EXOC4: variants seen among roughly 807,000 people sequenced by gnomAD.
The protein encoded by EXOC4 is SEC8-like 1.
A neutral mutation model predicts 107.2 loss-of-function variants in EXOC4; 71 were observed. The observed-to-expected ratio is 0.66, with a 90% CI of 0.55 to 0.81. EXOC4 has a LOEUF of 0.81. EXOC4 is among the 30% of genes least tolerant of loss of function. The probability of loss-of-function intolerance (pLI) is 0.00; values close to 1 mark genes in which losing one functional copy is unlikely to be tolerated. For missense variants in EXOC4, 1,108 were observed against 1,189.6 expected, an observed-to-expected ratio of 0.93 and a Z score of 1.01; for synonymous variants, 456 against 441.2, an observed-to-expected ratio of 1.03 and a Z score of -0.42.
At chr7:133,849,954 T>C (rs1798208122) in intron 11 of EXOC4, among the ~76,000 whole-genome samples, 1 of 152,250 alleles carries the variant, frequency 6.6e-6, no homozygotes, top group African/African-American at 2.4e-5. Context: ...ATATGAAATA[T>C]TACTGTTTTC....
At chr7:133,348,296 A>G (rs1302775427) in intron 5 of EXOC4, among the ~76,000 whole-genome samples, 1 of 152,232 alleles carries the variant, frequency 6.6e-6, no homozygotes, top group Non-Finnish European at 1.5e-5. Context: ...AGGAGATTTC[A>G]GGAGACAAAC....
intron 14 of EXOC4, among the ~76,000 whole-genome samples, chr7:133,946,208 T>G (rs62470445): frequency 4.6e-5 from 7 of 152,004 alleles, no homozygotes; most frequent in Non-Finnish European, 7.4e-5. Flanking sequence ...TAAGCTGACT[T>G]TCATATTGTG....
intron 10 of EXOC4, 40 bp downstream of exon 10, chr7:133,630,181 T>G (rs1294478879): frequency 6.9e-7 from 1 of 1,447,402 alleles, no homozygotes; most frequent in Non-Finnish European, 9.7e-7. Flanking sequence ...AAGATCAATA[T>G]TTTCATTATT....
At chr7:133,488,723 G>A (rs915840420) in intron 9 of EXOC4, among the ~76,000 whole-genome samples, 6 of 151,970 alleles carry the variant, frequency 3.9e-5, no homozygotes, top group Admixed American at 2.0e-4. Context: ...AGCAAAAACC[G>A]AGAAACAGCT....
intron 11 of EXOC4, among the ~76,000 whole-genome samples, chr7:133,893,884 T>A (rs1324916158): frequency 1.4e-5 from 1 of 72,984 alleles, no homozygotes; most frequent in African/African-American, 1.7e-4. Flanking sequence ...TCAACTTTGG[T>A]GAATCTGATA....
chr7:133,440,716 A>G (rs1798084247), intron 7 of EXOC4, among the ~76,000 whole-genome samples: 1 of 152,220 alleles, frequency 6.6e-6, no homozygotes, highest in South Asian at 2.1e-4. Context: ...CCCACCAGCA[A>G]TGTGACAGTT....
At chr7:133,597,719 G>A (rs762729362) in intron 9 of EXOC4, among the ~76,000 whole-genome samples, 2 of 151,762 alleles carry the variant, frequency 1.3e-5, no homozygotes, top group African/African-American at 4.8e-5. Flanking sequence ...AACTAATTGC[G>A]GTTCTTGCCA....
chr7:133,440,744 T>C (rs1007657020), intron 7 of EXOC4, among the ~76,000 whole-genome samples: 2 of 152,172 alleles, frequency 1.3e-5, no homozygotes, highest in Non-Finnish European at 2.9e-5. Flanking sequence ...GCCATGGCAA[T>C]GCATTCTAAC....
At chr7:133,483,377 C>T (rs184673695) in intron 9 of EXOC4, among the ~76,000 whole-genome samples, 7 of 152,174 alleles carry the variant, frequency 4.6e-5, no homozygotes, top group African/African-American at 1.4e-4. Context: ...GAAATATTGC[C>T]CTTGAGCTCT....
At chr7:133,354,384 TCTC>T (rs1795979169) in intron 5 of EXOC4, among the ~76,000 whole-genome samples, 1 of 152,186 alleles carries the variant, frequency 6.6e-6, no homozygotes, top group Non-Finnish European at 1.5e-5. Context: ...TAATTTAAGA[TCTC>T]CTCAAATAAA....
At chr7:134,052,145 G>C (rs1168762340) in intron 17 of EXOC4, among the ~76,000 whole-genome samples, 2 of 152,180 alleles carry the variant, frequency 1.3e-5, no homozygotes, top group Non-Finnish European at 2.9e-5. Context: ...GAAAGGACAG[G>C]CAGTGAATAC....
intron 9 of EXOC4, among the ~76,000 whole-genome samples, chr7:133,623,948 G>C (rs1201866983): frequency 6.6e-6 from 1 of 152,162 alleles, no homozygotes; most frequent in African/African-American, 2.4e-5. Context: ...CAGGGTGACA[G>C]CTGTGAATTC....
At chr7:133,466,800 A>G (rs1416918311) in intron 7 of EXOC4, among the ~76,000 whole-genome samples, 2 of 152,170 alleles carry the variant, frequency 1.3e-5, no homozygotes, top group Admixed American at 1.3e-4. Flanking sequence ...CGACATATAA[A>G]CTGTATTATA....
chr7:133,765,641 C>T (rs558444663), intron 10 of EXOC4, among the ~76,000 whole-genome samples: 5 of 151,962 alleles, frequency 3.3e-5, no homozygotes, highest in Non-Finnish European at 7.4e-5. Flanking sequence ...TACTTGGGCT[C>T]ATTTTAGAAA....
intron 7 of EXOC4, among the ~76,000 whole-genome samples, chr7:133,465,702 C>T (rs956782829): frequency 6.6e-6 from 1 of 151,942 alleles, no homozygotes; most frequent in African/African-American, 2.4e-5. Flanking sequence ...CCTCTGACCG[C>T]AACAGAATTA....
intron 4 of EXOC4, among the ~76,000 whole-genome samples, chr7:133,308,118 A>G (rs1794794864): frequency 6.6e-6 from 1 of 152,172 alleles, no homozygotes; most frequent in South Asian, 2.1e-4. Flanking sequence ...ACTTTTCTTG[A>G]TGAAGAGGAA....
At chr7:133,461,905 A>T (rs1312688254) in intron 7 of EXOC4, among the ~76,000 whole-genome samples, 1 of 152,188 alleles carries the variant, frequency 6.6e-6, no homozygotes, top group Non-Finnish European at 1.5e-5. Context: ...CTGCTAAATG[A>T]AATCCTTGAG....
intron 9 of EXOC4, among the ~76,000 whole-genome samples, chr7:133,499,999 GA>G (rs369694666): frequency 2.1e-4 from 30 of 144,780 alleles, no homozygotes; most frequent in Middle Eastern, 3.6e-3. Flanking sequence ...TATAGCTAAG[GA>G]AAAAAAAAAC....
chr7:133,978,669 A>C (rs1347458112), intron 14 of EXOC4, among the ~76,000 whole-genome samples: 1 of 152,232 alleles, frequency 6.6e-6, no homozygotes, highest in Non-Finnish European at 1.5e-5. Context: ...CAGGATAATC[A>C]GGAAATGCAG....
Sources: gnomAD v4.1 joint callset for allele counts (sites outside exome capture counted in the v4.1 genomes callset) on GRCh38, gnomAD v4.1.1 for gene constraint, MANE v1.5 for transcripts, NCBI Gene and HGNC (gene_info 2026-07-23, HGNC 2026-07-21) for gene names.